IQCM: variants seen among roughly 807,000 people sequenced by gnomAD.
The protein encoded by IQCM is IQ motif containing M.
Under a neutral mutation model 57.6 loss-of-function variants are expected in IQCM, and 45 were observed. The observed-to-expected ratio is 0.78, with a 90% confidence interval of 0.62 to 1.00. The LOEUF (loss-of-function observed/expected upper bound fraction) is 1.00. Among genes scored for constraint, IQCM ranks in the 50% least tolerant of loss-of-function variants. The pLI is 0.00. For missense variants in IQCM, 468 were observed against 511.6 expected, an observed-to-expected ratio of 0.91 and a Z score of 0.82; for synonymous variants, 148 against 158.9, an observed-to-expected ratio of 0.93 and a Z score of 0.51.
chr4:149,709,184 G>A (rs561027926), intron 5 of IQCM, among the ~76,000 whole-genome samples: 2 of 152,132 alleles, frequency 1.3e-5, no homozygotes, highest in South Asian at 2.1e-4. Flanking sequence ...GGGTATCAAC[G>A]TAGCTTGAAC....
intron 12 of IQCM, among the ~76,000 whole-genome samples, chr4:149,533,938 A>T (rs925571045): frequency 6.6e-6 from 1 of 152,160 alleles, no homozygotes; most frequent in African/African-American, 2.4e-5. Flanking sequence ...TGCACTTTTC[A>T]TGGAACTAGA....
intron 13 of IQCM, among the ~76,000 whole-genome samples, chr4:149,414,027 A>G (rs1013555762): frequency 6.6e-6 from 1 of 152,234 alleles, no homozygotes; most frequent in Non-Finnish European, 1.5e-5. Context: ...TTCTAGTATT[A>G]ATGCAAAGTC....
chr4:149,807,962 A>G (rs1263372831), intron 2 of IQCM, among the ~76,000 whole-genome samples: 1 of 152,118 alleles, frequency 6.6e-6, no homozygotes, highest in Non-Finnish European at 1.5e-5. Context: ...CTTTTACACT[A>G]TCAATAGGAA....
At chr4:149,646,395 A>G (rs1235306313) in intron 7 of IQCM, among the ~76,000 whole-genome samples, 1 of 152,088 alleles carries the variant, frequency 6.6e-6, no homozygotes, top group Admixed American at 6.6e-5. Context: ...AGTTGGGTAC[A>G]GCATATTTTT....
chr4:149,449,122 G>A (rs1467262930), intron 12 of IQCM, among the ~76,000 whole-genome samples: 1 of 150,610 alleles, frequency 6.6e-6, no homozygotes, highest in East Asian at 2.0e-4. Context: ...AATAGATCAT[G>A]GACTTGAGGT....
intron 13 of IQCM, among the ~76,000 whole-genome samples, chr4:149,356,809 G>C (rs1037086706): frequency 7.2e-5 from 11 of 152,090 alleles, no homozygotes; most frequent in African/African-American, 2.7e-4. Flanking sequence ...GATGGGGATG[G>C]CATTGAATCT....
chr4:149,717,600 T>C (rs1765107755), intron 5 of IQCM, among the ~76,000 whole-genome samples: 1 of 152,228 alleles, frequency 6.6e-6, no homozygotes. Context: ...GCCTCAAATG[T>C]TTAAAGTTAA....
rs115884112 is a variant in IQCM, at chr4:149,351,997, C to G, written c.1460G>C (p.Arg487Thr). The change falls in exon 14 of 14, where the codon AGA becomes ACA. Residue 487 changes from arginine to threonine, a missense_variant. Transcript: ENST00000636793. ...VVGKLVARSI[R>T]ERKMRQHYKS... ...ATAATGTTGTCTCATTTTCCTTTCT[C>G]TTATGGATCGGGCCACCAACTTTCC... is the stretch of plus-strand genomic sequence containing the variant. 2.0e-3 allele frequency: 802 copies of G among 398,944 alleles called. 8 individuals carry two copies. Among genetic ancestry groups the G allele is most frequent in the African/African-American group, 0.015 (721 of 48,748 alleles). 24.7% of individuals were successfully genotyped at this position (398,944 alleles called of 1,614,324 possible).
chr4:149,575,005 C>T (rs1438358261), intron 9 of IQCM, among the ~76,000 whole-genome samples: 1 of 151,922 alleles, frequency 6.6e-6, no homozygotes, highest in Admixed American at 6.6e-5. Context: ...AATATCACTG[C>T]TTTCCTGATT....
intron 13 of IQCM, among the ~76,000 whole-genome samples, chr4:149,397,987 A>T (rs1732348650): frequency 6.6e-6 from 1 of 151,910 alleles, no homozygotes; most frequent in Non-Finnish European, 1.5e-5. Flanking sequence ...CTATGATATT[A>T]TTGCCAAGAT....
At chr4:149,771,878 T>C (rs1055779462) in intron 2 of IQCM, among the ~76,000 whole-genome samples, 3 of 152,196 alleles carry the variant, frequency 2.0e-5, no homozygotes, top group Non-Finnish European at 4.4e-5. Flanking sequence ...GGGGTAAACA[T>C]TGGAAGACTT....
chr4:149,453,231 C>T (rs1048102163), intron 12 of IQCM, among the ~76,000 whole-genome samples: 8 of 151,634 alleles, frequency 5.3e-5, no homozygotes, highest in Admixed American at 2.0e-4. Context: ...CTAAGTTTGA[C>T]AGCAAAAACT....
At chr4:149,364,234 C>T (rs2110935810) in intron 13 of IQCM, among the ~76,000 whole-genome samples, 1 of 152,220 alleles carries the variant, frequency 6.6e-6, no homozygotes, top group South Asian at 2.1e-4. Context: ...ATAAAAGTCA[C>T]ATATTGTTTT....
chr4:149,431,683 T>C (rs557823396), intron 13 of IQCM, among the ~76,000 whole-genome samples: 15 of 152,092 alleles, frequency 9.9e-5, no homozygotes, highest in African/African-American at 3.4e-4. Context: ...ACAGGCCTGA[T>C]CTTTGTTCCC....
At chr4:149,680,109 C>T (rs1333913546) in intron 7 of IQCM, among the ~76,000 whole-genome samples, 4 of 151,168 alleles carry the variant, frequency 2.6e-5, no homozygotes, top group Non-Finnish European at 4.4e-5. Flanking sequence ...TAAAAACTTC[C>T]TAAATAACAA....
intron 12 of IQCM, among the ~76,000 whole-genome samples, chr4:149,545,961 C>T (rs1274305013): frequency 9.4e-4 from 143 of 152,136 alleles, no homozygotes; most frequent in Non-Finnish European, 3.1e-4. Context: ...AATGCTATTC[C>T]TCCCCACTCC....
chr4:149,808,557 TG>T (rs1774284321), intron 2 of IQCM, among the ~76,000 whole-genome samples: 1 of 152,166 alleles, frequency 6.6e-6, no homozygotes, highest in African/African-American at 2.4e-5. Flanking sequence ...ATAATTATAA[TG>T]TTCTTAACAC....
intron 13 of IQCM, among the ~76,000 whole-genome samples, chr4:149,391,365 T>A (rs950745125): frequency 6.6e-6 from 1 of 151,918 alleles, no homozygotes; most frequent in Non-Finnish European, 1.5e-5. Flanking sequence ...TTGAATTTAG[T>A]AATTTGAGTC....
intron 5 of IQCM, among the ~76,000 whole-genome samples, chr4:149,692,419 T>C (rs780440297): frequency 3.3e-5 from 5 of 152,182 alleles, no homozygotes; most frequent in African/African-American, 2.4e-5. Flanking sequence ...TTCAATCCTA[T>C]ATATGTATGT....
Sources: allele counts gnomAD v4.1 joint callset (sites outside exome capture counted in the v4.1 genomes callset), GRCh38; gene constraint gnomAD v4.1.1; transcripts MANE v1.5; gene names NCBI Gene and HGNC (gene_info 2026-07-23, HGNC 2026-07-21).